The following CHPT1 variants were observed in gnomAD, a reference collection of about 807,000 sequenced individuals.
CHPT1 encodes the protein choline phosphotransferase 1, also known as cholinephosphotransferase 1.
Under a neutral mutation model 47.6 loss-of-function variants are expected in CHPT1, and 36 were observed. The observed-to-expected ratio is 0.76, with a 90% CI of 0.58 to 1.00. The LOEUF is 1.00. Among genes scored for constraint, CHPT1 ranks in the 50% least tolerant of loss-of-function variants. CHPT1 has a pLI of 0.00. For synonymous variants in CHPT1, 194 were observed against 186.3 expected, an observed-to-expected ratio of 1.04 and a Z score of -0.33; for missense variants, 458 against 498.1, an observed-to-expected ratio of 0.92 and a Z score of 0.77.
chr12:101,703,728 A>T (rs891424130), intron 1 of CHPT1, among the ~76,000 whole-genome samples: 9 of 152,218 alleles, frequency 5.9e-5, no homozygotes, highest in Non-Finnish European at 1.3e-4. Context: ...ACAGGCTCCC[A>T]GTAAACAATG....
chr12:101,701,400 A>G (rs1073084), intron 1 of CHPT1, among the ~76,000 whole-genome samples: 94,920 of 152,056 alleles, frequency 0.62, 30,547 homozygotes, highest in East Asian at 0.9. Flanking sequence ...CTTTTACTGG[A>G]TTTTTACTGT....
chr12:101,717,243 AT>A (rs1315143337), intron 4 of CHPT1: 2 of 453,716 alleles, frequency 4.4e-6, no homozygotes, highest in South Asian at 3.1e-5. Context: ...TGAGGTGAAG[AT>A]TCCCATATTA....
At chr12:101,716,147 A>G (rs1015387373) in intron 3 of CHPT1, among the ~76,000 whole-genome samples, 1 of 152,158 alleles carries the variant, frequency 6.6e-6, no homozygotes, top group African/African-American at 2.4e-5. Context: ...TGACAGCTTC[A>G]GGGGAATGCA....
chr12:101,709,881 G>A (rs977977218), intron 1 of CHPT1, among the ~76,000 whole-genome samples: 1 of 148,720 alleles, frequency 6.7e-6, no homozygotes, highest in South Asian at 2.2e-4. Context: ...AAATCTCATC[G>A]AAGGGCAAGT....
chr12:101,725,556 C>T (rs528582263), intron 7 of CHPT1, among the ~76,000 whole-genome samples: 28 of 151,792 alleles, frequency 1.8e-4, no homozygotes, highest in Admixed American at 1.8e-3. Flanking sequence ...CTGGTTTACA[C>T]CTGTGATGGA....
chr12:101,700,865 A>C (rs10778143), intron 1 of CHPT1, among the ~76,000 whole-genome samples: 52,359 of 151,982 alleles, frequency 0.34, 10,969 homozygotes, highest in African/African-American at 0.58. Context: ...GTGACTTTCA[A>C]CTGGCTTGGG....
At chr12:101,711,735 T>G (rs1414699846) in intron 1 of CHPT1, among the ~76,000 whole-genome samples, 2 of 148,942 alleles carry the variant, frequency 1.3e-5, no homozygotes, top group Non-Finnish European at 3.0e-5. Context: ...TGCTTCAGTT[T>G]AGTACCGTTT....
At chr12:101,726,100 C>A (rs572731869) in intron 7 of CHPT1, among the ~76,000 whole-genome samples, 194 bp from the exon 8 acceptor site, 1 of 152,126 alleles carries the variant, frequency 6.6e-6, no homozygotes, top group East Asian at 1.9e-4. Flanking sequence ...GTGTCTATAA[C>A]TGTGAAATAA....
At chr12:101,727,185 T>TAAC (rs1399936113) in intron 8 of CHPT1, 1 of 92,654 alleles carries the variant, frequency 1.1e-5, no homozygotes, top group East Asian at 8.5e-4. Context: ...AGAAAATTAG[T>TAAC]AACTTAGAAA....
At chr12:101,706,236 G>A (rs2137004172) in intron 1 of CHPT1, among the ~76,000 whole-genome samples, 1 of 151,676 alleles carries the variant, frequency 6.6e-6, no homozygotes, top group Admixed American at 6.6e-5. Context: ...TGTAATCCCA[G>A]CTACTCAGGA....
chr12:101,701,223 C>T (rs755263663), intron 1 of CHPT1, among the ~76,000 whole-genome samples: 73 of 152,276 alleles, frequency 4.8e-4, no homozygotes, highest in Non-Finnish European at 8.7e-4. Context: ...TTCTCTCCTT[C>T]TTATCCCTCT....
intron 8 of CHPT1, chr12:101,727,737 T>A (rs546486487): frequency 3.3e-5 from 5 of 152,346 alleles, no homozygotes; most frequent in Admixed American, 2.6e-4. Context: ...TAATAATATA[T>A]ACTTTGGCTT....
At chr12:101,710,336 C>A (rs940824169) in intron 1 of CHPT1, among the ~76,000 whole-genome samples, 2 of 149,150 alleles carry the variant, frequency 1.3e-5, no homozygotes, top group East Asian at 2.0e-4. Flanking sequence ...CAGAGCGAGA[C>A]CCTGTCTCAA....
chr12:101,728,445 G>C, intron 8 of CHPT1: 1 of 158,510 alleles, frequency 6.3e-6, no homozygotes, highest in Non-Finnish European at 1.4e-5. Context: ...AATGTTCAGA[G>C]GTTAATGATT....
At chr12:101,711,253 A>G (rs1232592139) in intron 1 of CHPT1, among the ~76,000 whole-genome samples, 1 of 148,970 alleles carries the variant, frequency 6.7e-6, no homozygotes, top group Non-Finnish European at 1.5e-5. Flanking sequence ...TTGTAGCATT[A>G]TTCACAATAG....
intron 8 of CHPT1, chr12:101,728,574 T>C (rs1250573768): frequency 4.8e-6 from 1 of 207,334 alleles, no homozygotes; most frequent in Non-Finnish European, 9.7e-6. Context: ...TTCCGTTTTT[T>C]CCTTAAAGAA....
intron 1 of CHPT1, among the ~76,000 whole-genome samples, chr12:101,704,551 A>G (rs1158129612): frequency 1.3e-5 from 2 of 150,452 alleles, no homozygotes; most frequent in African/African-American, 2.4e-5. Flanking sequence ...ACAGGTGTGC[A>G]CCACCATGCC....
At chr12:101,717,509 A>G (rs1320533574) in intron 4 of CHPT1, 1 of 281,286 alleles carries the variant, frequency 3.6e-6, no homozygotes, top group African/African-American at 2.2e-5. Flanking sequence ...TTATGTTCCT[A>G]AACATTCACC....
Position 101,697,664 on chromosome 12 carries a change from G to A in CHPT1, c.-198G>A, listed in dbSNP as rs1951480532. On this transcript the variant is annotated 5_prime_UTR_variant, in exon 1 of 9. Transcript: ENST00000229266. ...CGCCCCACCCGCGAGCCGCAGCCGC[G>A]GCCCCACAGCTTCTGGGGCTGGGGC... is the stretch of plus-strand genomic sequence containing the variant. 3.1e-5 allele frequency: 5 copies of A among 160,830 alleles called. No individual in the cohort carries two copies. The highest frequency in any genetic ancestry group is 1.3e-4 in the Admixed American group (2 of 15,556). The allele number at this position is 160,830 out of a possible 1,614,324, so 10.0% of individuals were successfully genotyped here. A position where few individuals can be genotyped will look rare whatever the true frequency, so the allele number is the denominator to read the frequency against.
Sources: gnomAD v4.1 joint callset for allele counts (sites outside exome capture counted in the v4.1 genomes callset) on GRCh38, gnomAD v4.1.1 for gene constraint, MANE v1.5 for transcripts, NCBI Gene and HGNC (gene_info 2026-07-23, HGNC 2026-07-21) for gene names.